The following RAB3IL1 variants were observed in gnomAD, a reference collection of about 807,000 sequenced individuals.
RAB3IL1 encodes the protein RAB3A interacting protein like 1.
RAB3IL1 carries 37 observed loss-of-function variants against 49.2 expected under a neutral mutation model. The observed-to-expected ratio is 0.75, with a 90% CI of 0.58 to 0.99. The LOEUF is 0.99. RAB3IL1 is among the 50% of genes least tolerant of loss of function. The probability of loss-of-function intolerance (pLI) is 0.00; values close to 1 mark genes in which losing one functional copy is unlikely to be tolerated. For missense variants in RAB3IL1, 484 were observed against 513.0 expected, an observed-to-expected ratio of 0.94 and a Z score of 0.55; for synonymous variants, 193 against 213.9, an observed-to-expected ratio of 0.90 and a Z score of 0.85.
intron 1 of RAB3IL1, among the ~76,000 whole-genome samples, chr11:61,912,269 T>C (rs1939486078): frequency 6.6e-6 from 1 of 152,188 alleles, no homozygotes; most frequent in Non-Finnish European, 1.5e-5. Context: ...GGGCGGTGCC[T>C]TGGCACAGGG....
intron 1 of RAB3IL1, among the ~76,000 whole-genome samples, chr11:61,910,246 A>T (rs1939400559): frequency 1.3e-5 from 2 of 152,190 alleles, no homozygotes; most frequent in African/African-American, 4.8e-5. Context: ...GAATCGGCGC[A>T]TCTGCTTCAA....
the RAB3IL1 span, among the ~76,000 whole-genome samples, chr11:61,946,089 T>A: frequency 3.3e-5 from 5 of 152,242 alleles, no homozygotes; most frequent in East Asian, 9.7e-4. Flanking sequence ...ACTGGCAGTG[T>A]CCCCCAGCAC....
upstream of RAB3IL1, among the ~76,000 whole-genome samples, chr11:61,923,837 G>C (rs933380886): frequency 6.6e-6 from 1 of 152,212 alleles, no homozygotes; most frequent in African/African-American, 2.4e-5. Flanking sequence ...TTTCAAGCAG[G>C]AGGGAAAGAG....
At chr11:61,945,931 G>T in the RAB3IL1 span, 1 of 435,556 alleles carries the variant, frequency 2.3e-6, no homozygotes, top group Non-Finnish European at 3.1e-6. Context: ...GTGTATCCCA[G>T]CCTCTCCTGG....
At chr11:61,924,651 A>G (rs1004809390), upstream of RAB3IL1, among the ~76,000 whole-genome samples, 2 of 152,318 alleles carry the variant, frequency 1.3e-5, no homozygotes, top group South Asian at 4.1e-4. Flanking sequence ...TGGGAGGATT[A>G]TCTTTGTTCC....
intron 1 of RAB3IL1, among the ~76,000 whole-genome samples, chr11:61,913,504 G>A (rs940316124): frequency 2.0e-5 from 3 of 152,262 alleles, no homozygotes; most frequent in East Asian, 1.9e-4. Flanking sequence ...CCACGCCTCC[G>A]CCGGCCATAG....
At chr11:61,902,095 A>G (rs934481452) in intron 8 of RAB3IL1, among the ~76,000 whole-genome samples, 4 of 151,940 alleles carry the variant, frequency 2.6e-5, no homozygotes, top group South Asian at 2.1e-4. Flanking sequence ...CAGGCAGATC[A>G]CTTAAGGCCA....
the RAB3IL1 span, among the ~76,000 whole-genome samples, chr11:61,927,299 G>A: frequency 2.0e-5 from 3 of 152,088 alleles, no homozygotes; most frequent in East Asian, 1.9e-4. Context: ...CATGCTTCCC[G>A]TACAGTTGGC....
chr11:61,912,734 G>A (rs1410794582), intron 1 of RAB3IL1, among the ~76,000 whole-genome samples: 1 of 152,124 alleles, frequency 6.6e-6, no homozygotes, highest in African/African-American at 2.4e-5. Context: ...GGCGGTTTTG[G>A]AGAAGTGAGG....
At chr11:61,938,305 G>T in the RAB3IL1 span, among the ~76,000 whole-genome samples, 1 of 152,298 alleles carries the variant, frequency 6.6e-6, no homozygotes, top group South Asian at 2.1e-4. Context: ...GGAAGCTAAG[G>T]TGGGAGGATG....
the RAB3IL1 span, chr11:61,945,704 G>A: frequency 1.1e-6 from 1 of 939,724 alleles, no homozygotes; most frequent in Non-Finnish European, 1.3e-6. Context: ...CTACCCACCT[G>A]CCACGAGCCC....
At chr11:61,943,646 T>C in the RAB3IL1 span, among the ~76,000 whole-genome samples, 1 of 151,898 alleles carries the variant, frequency 6.6e-6, no homozygotes, top group Non-Finnish European at 1.5e-5. Context: ...ACTGAAAAAA[T>C]GGGCAAAAGA....
At chr11:61,899,221 C>A (rs1938770549) in intron 9 of RAB3IL1, 93 bp downstream of exon 9, 1 of 1,371,808 alleles carries the variant, frequency 7.3e-7, no homozygotes, top group African/African-American at 1.4e-5. Flanking sequence ...CTGAGTCTTG[C>A]CTCCACTAGG....
chr11:61,937,261 G>T, the RAB3IL1 span, among the ~76,000 whole-genome samples: 1 of 152,094 alleles, frequency 6.6e-6, no homozygotes, highest in Non-Finnish European at 1.5e-5. Context: ...AACTAAGTTG[G>T]TATTAATTAG....
rs764558538 is a variant in RAB3IL1, at chr11:61,898,350, C to T, written c.1077G>A (p.Met359Ile). 11 of 1,613,432 alleles carry T rather than the reference C, an allele frequency of 6.8e-6. No homozygotes were observed. The highest frequency in any genetic ancestry group is 9.3e-6 in the Non-Finnish European group (11 of 1,179,988). ...TCCGCAACCTCATGATCTCCCAGAA[C>T]ATGGGCTCTGCTGCAGGCAGAGAGA... ...QGLVRQDAEP[M>I]FWEIMRLRKE... The change falls in exon 10 of 10, where the codon ATG becomes ATA. Residue 359 changes from methionine to isoleucine, a missense_variant. Met to Ile is a conservative substitution (Grantham distance 10). Coordinates refer to ENST00000394836, the MANE Select transcript of RAB3IL1 (RefSeq NM_013401.4). The surrounding 1 kb of genome is among the most constrained non-coding windows in gnomAD (Gnocchi z 5.1).
At chr11:61,940,060 C>T in the RAB3IL1 span, among the ~76,000 whole-genome samples, 2 of 151,642 alleles carry the variant, frequency 1.3e-5, no homozygotes, top group Non-Finnish European at 2.9e-5. Context: ...AGGAGGATTG[C>T]CTTGAGCCCA....
rs61898561 is a variant in RAB3IL1, at chr11:61,908,279, C to T, written c.39G>A (p.Pro13=). 80,621 of 1,496,358 alleles carry T rather than the reference C, an allele frequency of 0.054. 2,657 individuals are homozygous for T. Among genetic ancestry groups the T allele is most frequent in the Non-Finnish European group, 0.055 (61,897 of 1,124,748 alleles). 92.7% of individuals were successfully genotyped at this position (1,496,358 alleles called of 1,614,324 possible). Residue 13 remains proline, a synonymous_variant, in exon 2 of 10, where the codon CCG becomes CCA. Coordinates refer to ENST00000394836, the MANE Select transcript of RAB3IL1 (RefSeq NM_013401.4). ...GGACCGGGACAGCTGCAAGGGGCGG[C>T]GGGAGGCCCTGGTCTGGCTGGGGTG... ...SGPPQPDQGL[P]PPLAAVPVPW...
intron 1 of RAB3IL1, among the ~76,000 whole-genome samples, chr11:61,911,270 C>T (rs769962656): frequency 6.6e-5 from 10 of 152,204 alleles, no homozygotes; most frequent in Non-Finnish European, 1.3e-4. Context: ...AACAGTGGGA[C>T]CACCCAGTAG....
At chr11:61,917,567 G>T (rs945105789), upstream of RAB3IL1, 2 of 1,088,938 alleles carry the variant, frequency 1.8e-6, no homozygotes, top group Non-Finnish European at 2.2e-6. Flanking sequence ...GGCGGGTCAC[G>T]TGGCGGAGGG....
Sources: allele counts gnomAD v4.1 joint callset (sites outside exome capture counted in the v4.1 genomes callset), GRCh38; gene constraint gnomAD v4.1.1; non-coding constraint Gnocchi (gnomAD v3.1); transcripts MANE v1.5; gene names NCBI Gene and HGNC (gene_info 2026-07-23, HGNC 2026-07-21).